FAM81A: variants seen among roughly 807,000 people sequenced by gnomAD.
FAM81A encodes the protein family with sequence similarity 81 member A.
FAM81A carries 19 observed loss-of-function variants against 46.7 expected under a neutral mutation model. The ratio of observed to expected loss-of-function variants is 0.41; its 90% CI spans 0.28 to 0.60. FAM81A has a LOEUF of 0.60. Ranked by LOEUF, FAM81A falls within the 20% of genes least tolerant of loss-of-function variation. FAM81A has a pLI of 0.34. For synonymous variants in FAM81A, 183 were observed against 152.9 expected, an observed-to-expected ratio of 1.20 and a Z score of -1.45; for missense variants, 377 against 453.5, an observed-to-expected ratio of 0.83 and a Z score of 1.53.
chr15:59,438,307 CG>C (rs2081258891), intron 1 of FAM81A, 25 bp downstream of exon 1: 1 of 151,722 alleles, frequency 6.6e-6, no homozygotes, highest in Non-Finnish European at 1.5e-5. Flanking sequence ...CTGGGAACCC[CG>C]GCCGGGCGGC....
intron 2 of FAM81A, among the ~76,000 whole-genome samples, chr15:59,412,029 A>T (rs1459136973): frequency 6.7e-6 from 1 of 150,254 alleles, no homozygotes; most frequent in Admixed American, 6.6e-5. Flanking sequence ...AGGCTATTAC[A>T]GTGAAGAGAA....
chr15:59,513,337 G>C (rs1027307052), intron 6 of FAM81A, among the ~76,000 whole-genome samples: 1 of 152,212 alleles, frequency 6.6e-6, no homozygotes, highest in Non-Finnish European at 1.5e-5. Context: ...CTAGGAGGAA[G>C]AGCCTGGGGA....
Position 59,517,586 on chromosome 15 carries a change from C to A in FAM81A, c.982+746C>A, listed in dbSNP as rs532139001. ...GAACTAAATTCTCTCCTAGCTTCTTCCAGTTGTATGATTCCATGAATTTTC... is the reference window on the plus strand; with the variant it reads ...GAACTAAATTCTCTCCTAGCTTCTTACAGTTGTATGATTCCATGAATTTTC... On this transcript the variant is annotated intron_variant, in intron 8 of 8. Coordinates refer to ENST00000288228, the MANE Select transcript of FAM81A (RefSeq NM_152450.3). Among the ~76,000 whole-genome samples the A allele has an allele frequency of 1.2e-4, 18 of 152,240 alleles. No homozygotes were observed. In the East Asian group the frequency reaches 2.3e-3, roughly 20 times the overall value.
At chr15:59,492,848 A>C (rs1390672514) in intron 4 of FAM81A, among the ~76,000 whole-genome samples, 3 of 152,190 alleles carry the variant, frequency 2.0e-5, no homozygotes, top group Non-Finnish European at 2.9e-5. Flanking sequence ...AGTGTGCTGC[A>C]TGGACCAGCA....
At chr15:59,407,779 C>T in intron 2 of FAM81A, 1 of 230,918 alleles carries the variant, frequency 4.3e-6, no homozygotes, top group South Asian at 5.9e-5. Flanking sequence ...GTCCCCTTTG[C>T]TGGCAGCTTT....
chr15:59,416,196 G>A (rs187614427), intron 2 of FAM81A, among the ~76,000 whole-genome samples: 73 of 152,304 alleles, frequency 4.8e-4, no homozygotes, highest in Non-Finnish European at 6.9e-4. Flanking sequence ...AAGTGAAAGG[G>A]TGCAGGACAT....
chr15:59,514,172 G>T, intron 6 of FAM81A, 117 bp from the exon 7 acceptor site: 2 of 1,058,546 alleles, frequency 1.9e-6, no homozygotes, highest in Non-Finnish European at 2.6e-6. Context: ...AAACCACCAT[G>T]GCACATGTTT....
chr15:59,486,637 A>G lies in FAM81A; in HGVS notation c.295-5634A>G, dbSNP rs183880737. ...CAAAACTCCCAGAGGTCAAGGATAA[A>G]GAAGGGATCCTAAAGGCAACAAGAC... On this transcript the variant is annotated intron_variant, in intron 3 of 8. Coordinates refer to ENST00000288228, the MANE Select transcript of FAM81A (RefSeq NM_152450.3). Among the ~76,000 whole-genome samples the G allele has an allele frequency of 3.9e-5, 6 of 152,342 alleles. No homozygotes were observed. The East Asian group carries it at 9.6e-4, about 24-fold the overall frequency.
intron 3 of FAM81A, among the ~76,000 whole-genome samples, chr15:59,463,178 T>A (rs2081573179): frequency 6.6e-6 from 1 of 151,754 alleles, no homozygotes; most frequent in Non-Finnish European, 1.5e-5. Context: ...TTTGAGGTAA[T>A]TTTTGTATAT....
chr15:59,466,874 A>G (rs940279698), intron 3 of FAM81A, among the ~76,000 whole-genome samples: 13 of 152,230 alleles, frequency 8.5e-5, no homozygotes, highest in African/African-American at 2.6e-4. Flanking sequence ...ATCTTGAATT[A>G]GTTTTTGTAT....
chr15:59,450,789 G>C (rs2081409709), intron 1 of FAM81A, among the ~76,000 whole-genome samples: 1 of 152,190 alleles, frequency 6.6e-6, no homozygotes, highest in Admixed American at 6.5e-5. Flanking sequence ...AATCCATTTA[G>C]ACTTAAAACT....
intron 1 of FAM81A, chr15:59,438,717 T>C (rs1395292423): frequency 2.0e-5 from 3 of 152,262 alleles, no homozygotes; most frequent in Admixed American, 2.0e-4. Flanking sequence ...TCCAGAATGC[T>C]GTTGTGCCAT....
intron 2 of FAM81A, among the ~76,000 whole-genome samples, chr15:59,403,086 G>T (rs1346273838): frequency 2.6e-5 from 4 of 151,802 alleles, no homozygotes; most frequent in African/African-American, 9.7e-5. Flanking sequence ...TTCTCTGCCT[G>T]AGCCACTGTC....
chr15:59,400,537 C>T (rs997692806), intron 1 of FAM81A, among the ~76,000 whole-genome samples: 1 of 152,110 alleles, frequency 6.6e-6, no homozygotes. Flanking sequence ...CCTTCTCCAC[C>T]TCTTGAAACC....
At chr15:59,475,333 G>A (rs1034723133) in intron 3 of FAM81A, among the ~76,000 whole-genome samples, 2 of 151,998 alleles carry the variant, frequency 1.3e-5, no homozygotes, top group African/African-American at 4.8e-5. Flanking sequence ...GTAGAGACAG[G>A]GTTTCACCAT....
intron 4 of FAM81A, among the ~76,000 whole-genome samples, chr15:59,502,811 G>T (rs371136736): frequency 5.8e-4 from 88 of 151,846 alleles, no homozygotes; most frequent in African/African-American, 2.1e-3. Flanking sequence ...GTGAGCCACC[G>T]CGCCAGCCGT....
At chr15:59,452,691 C>T (rs755700268) in intron 1 of FAM81A, among the ~76,000 whole-genome samples, 3 of 152,014 alleles carry the variant, frequency 2.0e-5, no homozygotes, top group African/African-American at 2.4e-5. Context: ...TATATATTGA[C>T]GTGGAATCAT....
intron 3 of FAM81A, among the ~76,000 whole-genome samples, chr15:59,478,433 G>T (rs1370946568): frequency 6.6e-6 from 1 of 152,186 alleles, no homozygotes; most frequent in East Asian, 1.9e-4. Context: ...ACTAACATGG[G>T]AAAGCAGGGG....
At chr15:59,515,444 T>C (rs967540954) in intron 7 of FAM81A, among the ~76,000 whole-genome samples, 1 of 152,026 alleles carries the variant, frequency 6.6e-6, no homozygotes, top group Non-Finnish European at 1.5e-5. Flanking sequence ...CTGACTCTGC[T>C]CTCTCCAGAT....
Sources: allele counts gnomAD v4.1 joint callset (sites outside exome capture counted in the v4.1 genomes callset), GRCh38; gene constraint gnomAD v4.1.1; transcripts MANE v1.5; gene names NCBI Gene and HGNC (gene_info 2026-07-23, HGNC 2026-07-21).